Variants in DTD1 observed in about 807,000 individuals in gnomAD.
DTD1 encodes D-aminoacyl-tRNA deacylase 1.
Under a neutral mutation model 25.6 loss-of-function variants are expected in DTD1, and 13 were observed. The observed-to-expected ratio is 0.51, with a 90% CI of 0.33 to 0.81. The LOEUF is 0.81. DTD1 is among the 30% of genes least tolerant of loss of function. The pLI, the probability that DTD1 is intolerant of heterozygous loss-of-function variation, is 0.02. For synonymous variants in DTD1, 110 were observed against 103.6 expected, an observed-to-expected ratio of 1.06 and a Z score of -0.37; for missense variants, 193 against 266.4, an observed-to-expected ratio of 0.72 and a Z score of 1.92.
chr20:18,728,236 C>A (rs918846632), intron 4 of DTD1, among the ~76,000 whole-genome samples: 3 of 152,018 alleles, frequency 2.0e-5, no homozygotes, highest in Admixed American at 2.0e-4. Flanking sequence ...GCTAAAAGGT[C>A]CCCTGGAGTG....
chr20:18,724,857 AC>A (rs1273880183), intron 4 of DTD1, among the ~76,000 whole-genome samples: 1 of 152,252 alleles, frequency 6.6e-6, no homozygotes, highest in Non-Finnish European at 1.5e-5. Flanking sequence ...GCTGTCAGCA[AC>A]CTTCCTGGAA....
intron 3 of DTD1, among the ~76,000 whole-genome samples, chr20:18,599,424 A>G (rs2122250858): frequency 6.6e-6 from 1 of 151,792 alleles, no homozygotes; most frequent in Admixed American, 6.6e-5. Flanking sequence ...ATCCGCCCAC[A>G]TCAGCCTCCC....
chr20:18,756,551 G>C (rs1379682056), intron 5 of DTD1, among the ~76,000 whole-genome samples: 1 of 152,068 alleles, frequency 6.6e-6, no homozygotes, highest in Non-Finnish European at 1.5e-5. Flanking sequence ...TCTTGTTTTT[G>C]TCAGTTTTGT....
chr20:18,674,755 C>G (rs1246467196), intron 4 of DTD1: 1 of 152,576 alleles, frequency 6.6e-6, no homozygotes, highest in Non-Finnish European at 1.5e-5. Context: ...CCTGCCTCTG[C>G]CCCTGGGACC....
intron 5 of DTD1, among the ~76,000 whole-genome samples, chr20:18,751,724 C>A (rs940758305): frequency 1.3e-5 from 2 of 151,946 alleles, no homozygotes; most frequent in African/African-American, 4.8e-5. Context: ...GAACTGCTGG[C>A]CGCAAGTGAT....
intron 3 of DTD1, among the ~76,000 whole-genome samples, chr20:18,625,743 G>T (rs959167625): frequency 6.6e-6 from 1 of 152,256 alleles, no homozygotes; most frequent in African/African-American, 2.4e-5. Flanking sequence ...ATCAGTAACA[G>T]CCTCCTGCCT....
At chr20:18,627,627 C>T (rs1440190243) in intron 3 of DTD1, among the ~76,000 whole-genome samples, 1 of 152,192 alleles carries the variant, frequency 6.6e-6, no homozygotes, top group Non-Finnish European at 1.5e-5. Context: ...GGCTGATCCT[C>T]CTCCCGGTCA....
chr20:18,689,458 G>T (rs1286270887), intron 4 of DTD1, among the ~76,000 whole-genome samples: 1 of 152,140 alleles, frequency 6.6e-6, no homozygotes, highest in Admixed American at 6.6e-5. Context: ...GTTTCTTGTT[G>T]TTTTCATTTT....
chr20:18,699,619 G>T (rs759463975), intron 4 of DTD1, among the ~76,000 whole-genome samples: 4 of 152,192 alleles, frequency 2.6e-5, no homozygotes, highest in Non-Finnish European at 4.4e-5. Context: ...AGAGGAGCCA[G>T]GGAAGTACCT....
At chr20:18,594,066 C>T (rs1227284611) in intron 2 of DTD1, among the ~76,000 whole-genome samples, 2 of 152,294 alleles carry the variant, frequency 1.3e-5, no homozygotes, top group South Asian at 2.1e-4. Context: ...GCTACTGTGG[C>T]CTCAGAGCAT....
chr20:18,740,985 G>T (rs182382296), intron 4 of DTD1, among the ~76,000 whole-genome samples: 15 of 152,332 alleles, frequency 9.8e-5, no homozygotes, highest in Admixed American at 7.8e-4. Context: ...GTAACAAGCA[G>T]CTCTGTGTGG....
At chr20:18,694,786 ACAAT>A (rs1216144146) in intron 4 of DTD1, among the ~76,000 whole-genome samples, 2 of 152,176 alleles carry the variant, frequency 1.3e-5, no homozygotes, top group Non-Finnish European at 2.9e-5. Flanking sequence ...CATCTAGAAA[ACAAT>A]CAAAAGTGTG....
intron 4 of DTD1, among the ~76,000 whole-genome samples, chr20:18,700,472 T>C (rs1238436912): frequency 6.6e-6 from 1 of 151,802 alleles, no homozygotes; most frequent in Admixed American, 6.6e-5. Context: ...CTGAAAAATT[T>C]CCTGTGCAAA....
intron 4 of DTD1, among the ~76,000 whole-genome samples, chr20:18,712,571 A>G (rs1027369946): frequency 2.0e-5 from 3 of 152,190 alleles, no homozygotes; most frequent in Non-Finnish European, 4.4e-5. Context: ...GAGATCCCAT[A>G]TGAAAACGAA....
intron 4 of DTD1, among the ~76,000 whole-genome samples, chr20:18,674,095 T>G (rs1230435215): frequency 1.3e-5 from 2 of 152,190 alleles, no homozygotes; most frequent in African/African-American, 4.8e-5. Context: ...TTTGGTGATT[T>G]TTTTTTCCAA....
At chr20:18,589,723 G>C (rs997867638) in intron 1 of DTD1, among the ~76,000 whole-genome samples, 2 of 152,106 alleles carry the variant, frequency 1.3e-5, no homozygotes, top group African/African-American at 4.8e-5. Context: ...TCTCTCTCCT[G>C]AACTCTCCAT....
At chr20:18,755,250 C>T (rs1450055736) in intron 5 of DTD1, among the ~76,000 whole-genome samples, 1 of 152,050 alleles carries the variant, frequency 6.6e-6, no homozygotes, top group East Asian at 1.9e-4. Context: ...AGTCATCTGC[C>T]ACCTTATCAT....
At chr20:18,722,316 G>A in intron 4 of DTD1, among the ~76,000 whole-genome samples, 1 of 152,212 alleles carries the variant, frequency 6.6e-6, no homozygotes. Context: ...ATCCTAACAT[G>A]CCCAGGCCAC....
chr20:18,613,731 A>G (rs1485592437), intron 3 of DTD1, among the ~76,000 whole-genome samples: 3 of 152,168 alleles, frequency 2.0e-5, no homozygotes, highest in Non-Finnish European at 2.9e-5. Flanking sequence ...TTAGGGATGA[A>G]TAACAGGGTT....
Sources: gnomAD v4.1 joint callset for allele counts (sites outside exome capture counted in the v4.1 genomes callset) on GRCh38, gnomAD v4.1.1 for gene constraint, MANE v1.5 for transcripts, NCBI Gene and HGNC (gene_info 2026-07-23, HGNC 2026-07-21) for gene names.